TXNRD3: variants seen among roughly 807,000 people sequenced by gnomAD.
The protein encoded by TXNRD3 is TXNRD3 neighbor gene protein.
In TXNRD3, 68 loss-of-function variants were observed where a neutral mutation model predicts 78.2. The observed-to-expected ratio is 0.87, with a 90% confidence interval of 0.72 to 1.06. The LOEUF (loss-of-function observed/expected upper bound fraction) is 1.06, where lower values mean the gene tolerates loss of function less well. Among genes scored for constraint, TXNRD3 ranks in the 50% least tolerant of loss-of-function variants. The pLI, the probability that TXNRD3 is intolerant of heterozygous loss-of-function variation, is 0.00. For missense variants in TXNRD3, 751 were observed against 809.5 expected (o/e 0.93, Z 0.88); for synonymous variants, 296 against 300.1 (o/e 0.99, Z 0.14).
intron 12 of TXNRD3, among the ~76,000 whole-genome samples, chr3:126,618,461 C>T (rs891132278): frequency 1.1e-4 from 17 of 152,080 alleles, no homozygotes; most frequent in African/African-American, 3.6e-4. Flanking sequence ...CAAGAACATA[C>T]ACTGGAGAAA....
At chr3:126,629,579 T>TATTATATATAAC in intron 9 of TXNRD3, 108 bp from the exon 10 acceptor site, 1 of 772,856 alleles carries the variant, frequency 1.3e-6, no homozygotes, top group Non-Finnish European at 2.0e-6. Context: ...TTGGTGGTGG[T>TATTATATATAAC]ACATATAATA....
At chr3:126,620,589 T>A (rs2107613619) in intron 12 of TXNRD3, among the ~76,000 whole-genome samples, 1 of 152,290 alleles carries the variant, frequency 6.6e-6, no homozygotes, top group South Asian at 2.1e-4. Context: ...AGGATGTGAA[T>A]AACTGGGGAA....
intron 6 of TXNRD3, among the ~76,000 whole-genome samples, chr3:126,634,621 C>T (rs752429767): frequency 1.7e-4 from 26 of 152,104 alleles, no homozygotes; most frequent in Non-Finnish European, 2.8e-4. Context: ...GGGCAGGATT[C>T]GGGTGTTGGA....
Position 126,646,202 on chromosome 3 carries a change from T to C in TXNRD3, c.323A>G (p.Gln108Arg). 6.5e-7 allele frequency: 1 copy of C among 1,533,466 alleles called. No homozygotes were observed. Among genetic ancestry groups the C allele is most frequent in the Non-Finnish European group, 8.7e-7 (1 of 1,146,228 alleles). 95.0% of individuals were successfully genotyped at this position (1,533,466 alleles called of 1,614,324 possible). A position where few individuals can be genotyped will look rare whatever the true frequency, so the allele number is the denominator to read the frequency against. ...ATTAGTGATTTCTGACAGCACTTCT[T>C]GAACCCTGGCCCCATCATCTAAAGA... Residue 108 changes from glutamine (Q) to arginine (R), a missense_variant, in exon 3 of 16, where the codon CAA (glutamine) becomes CGA (arginine). Coordinates refer to ENST00000524230, the MANE Select transcript of TXNRD3 (RefSeq NM_052883.3).
At chr3:126,616,459 CTT>C (rs1411155293) in intron 12 of TXNRD3, among the ~76,000 whole-genome samples, 6 of 152,176 alleles carry the variant, frequency 3.9e-5, no homozygotes, top group Non-Finnish European at 8.8e-5. Flanking sequence ...CAATCCAATT[CTT>C]TCTTTTATAG....
intron 1 of TXNRD3, among the ~76,000 whole-genome samples, chr3:126,652,995 A>C (rs1933425763): frequency 6.6e-6 from 1 of 152,062 alleles, no homozygotes; most frequent in African/African-American, 2.4e-5. Flanking sequence ...ACATTTTTTT[A>C]TTTCACCCAC....
chr3:126,640,943 G>T, intron 6 of TXNRD3, among the ~76,000 whole-genome samples: 1 of 151,326 alleles, frequency 6.6e-6, no homozygotes, highest in East Asian at 1.9e-4. Flanking sequence ...TTCTATGCCT[G>T]ATAACAAAAT....
intron 11 of TXNRD3, among the ~76,000 whole-genome samples, chr3:126,622,217 A>G (rs1053878834): frequency 1.1e-4 from 16 of 152,224 alleles, no homozygotes; most frequent in Admixed American, 5.9e-4. Context: ...TAAGTCACAG[A>G]CATTAGGTAA....
Position 126,644,289 on chromosome 3 carries a change from ATTC to A in TXNRD3, c.519+5_519+7del. The stretch of plus-strand genomic sequence containing the variant: ...AATTATCTACGAGTTTCATTTCTAT[ATTC>A]ATACCTTCGCACATGAAAGGCCTCC... On this transcript the variant is annotated splice_donor_5th_base_variant and intron_variant, in intron 4 of 15. Transcript: ENST00000524230. 1 of 1,534,130 alleles carries A rather than the reference ATTC, an allele frequency of 6.5e-7. No individual in the cohort carries two copies. The highest frequency in any genetic ancestry group is 1.2e-5 in the South Asian group (1 of 83,936).
chr3:126,628,470 G>A (rs991933559), intron 10 of TXNRD3, among the ~76,000 whole-genome samples: 3 of 152,174 alleles, frequency 2.0e-5, no homozygotes, highest in South Asian at 2.1e-4. Context: ...TAAGAGTTTA[G>A]CAAGATTACT....
chr3:126,621,713 C>A, intron 12 of TXNRD3, 29 bp downstream of exon 12: 1 of 1,454,494 alleles, frequency 6.9e-7, no homozygotes, highest in Non-Finnish European at 9.0e-7. Context: ...TTGATCAGGA[C>A]ATTATCTCAA....
chr3:126,631,993 G>C, intron 7 of TXNRD3, 114 bp from the exon 8 acceptor site: 2 of 671,348 alleles, frequency 3.0e-6, no homozygotes, highest in Non-Finnish European at 5.2e-6. Flanking sequence ...CAGCAGACAT[G>C]TGAAAAAGTA....
rs2107606746 is a variant in TXNRD3 at position 126,607,942 on chromosome 3, G to A, written c.1895C>T (p.Ser632Leu). 6.6e-7 allele frequency: 1 copy of A among 1,507,198 alleles called. No homozygotes were observed. The highest frequency in any genetic ancestry group is 8.9e-7 in the Non-Finnish European group (1 of 1,125,474). 93.4% of individuals were successfully genotyped at this position (1,507,198 alleles called of 1,614,324 possible). A position where few individuals can be genotyped will look rare whatever the true frequency, so the allele number is the denominator to read the frequency against. The change falls in exon 16 of 16, where the codon TCA becomes TTA. Residue 632 changes from serine to leucine, a missense_variant. Transcript: ENST00000524230. ...GCCTTTCTGAGTGATGTCTAGTCCT[G>A]ACGACTTTGTGATTTCCAAAGTCGT... is the stretch of plus-strand genomic sequence containing the variant.
intron 3 of TXNRD3, among the ~76,000 whole-genome samples, chr3:126,645,479 T>G (rs777236): frequency 0.19 from 29,277 of 152,138 alleles, 3,199 homozygotes; most frequent in Admixed American, 0.29. Flanking sequence ...ACACACAACA[T>G]AGACAATCTT....
At chr3:126,646,925 T>C (rs6795878) in intron 2 of TXNRD3, among the ~76,000 whole-genome samples, 1 of 152,222 alleles carries the variant, frequency 6.6e-6, no homozygotes, top group South Asian at 2.1e-4. Context: ...ATCCTTTTCA[T>C]TTGTTACAGC....
At chr3:126,613,002 G>A (rs1468013167) in intron 13 of TXNRD3, among the ~76,000 whole-genome samples, 1 of 152,176 alleles carries the variant, frequency 6.6e-6, no homozygotes, top group Non-Finnish European at 1.5e-5. Flanking sequence ...CTGCACAGCT[G>A]TAAGCACTGC....
rs1248865069 is a variant in TXNRD3 at position 126,631,850 on chromosome 3, A to G, written c.885T>C (p.Tyr295=). The G allele has an allele frequency of 2.0e-6, 3 of 1,536,108 alleles. No individual in the cohort carries two copies. Among genetic ancestry groups the G allele is most frequent in the Non-Finnish European group, 2.6e-6 (3 of 1,146,812 alleles). Reference sequence around the variant, plus strand: ...CTATGACAAACTGTGCAGCAGTATAATAAGTCTCCTGTCCTTTTTTATTGG... The same window carrying G: ...CTATGACAAACTGTGCAGCAGTATAGTAAGTCTCCTGTCCTTTTTTATTGG... The change falls in exon 8 of 16, where the codon TAT becomes TAC. Residue 295 remains tyrosine (Y), a synonymous_variant. Transcript: ENST00000524230.
At chr3:126,642,247 A>G in intron 5 of TXNRD3, 96 bp from the exon 6 acceptor site, 3 of 1,369,204 alleles carry the variant, frequency 2.2e-6, no homozygotes, top group Non-Finnish European at 2.9e-6. Flanking sequence ...GACAAGCTCA[A>G]TGGTGGGGGG....
At chr3:126,635,034 A>T (rs919437684) in intron 6 of TXNRD3, among the ~76,000 whole-genome samples, 1 of 152,164 alleles carries the variant, frequency 6.6e-6, no homozygotes, top group Non-Finnish European at 1.5e-5. Context: ...CGTTCTTCTT[A>T]CTACATTACC....
Sources: gnomAD v4.1 joint callset for allele counts (sites outside exome capture counted in the v4.1 genomes callset) on GRCh38, gnomAD v4.1.1 for gene constraint, MANE v1.5 for transcripts, NCBI Gene and HGNC (gene_info 2026-07-23, HGNC 2026-07-21) for gene names.